ZSWIM3: variants seen among roughly 807,000 people sequenced by gnomAD.
ZSWIM3 encodes the protein zinc finger SWIM-type containing 3.
ZSWIM3 carries 27 observed loss-of-function variants against 47.5 expected under a neutral mutation model. The ratio of observed to expected loss-of-function variants is 0.57; its 90% CI spans 0.42 to 0.78. ZSWIM3 has a LOEUF of 0.78. Among genes scored for constraint, ZSWIM3 ranks in the 30% least tolerant of loss-of-function variants. The pLI is 0.00. For synonymous variants in ZSWIM3, 333 were observed against 333.9 expected, an observed-to-expected ratio of 1.00 and a Z score of 0.03; for missense variants, 689 against 861.3, an observed-to-expected ratio of 0.80 and a Z score of 2.50.
At position 45,878,493 on chromosome 20, in the gene ZSWIM3, G is replaced by A; in HGVS notation, c.1935G>A (p.Leu645=). Reference sequence around the variant, plus strand: ...AGCTGGAGGAACGCTACTCCACCCTGCGCAAGATTGTGGATATCTGGGCTG... The same window carrying A: ...AGCTGGAGGAACGCTACTCCACCCTACGCAAGATTGTGGATATCTGGGCTG... ...GPELEERYST[L]RKIVDIWAGP... The change falls in exon 2 of 2, where the codon CTG becomes CTA. Residue 645 remains leucine (L), a synonymous_variant. Coordinates refer to ENST00000255152, the MANE Select transcript of ZSWIM3 (RefSeq NM_080752.4). 6.2e-7 allele frequency: 1 copy of A among 1,614,194 alleles called. No homozygotes were observed. The highest frequency in any genetic ancestry group is 1.1e-5 in the South Asian group (1 of 91,086).
intron 1 of ZSWIM3, among the ~76,000 whole-genome samples, chr20:45,859,816 A>AAAAAAAC (rs146830909): frequency 8.5e-5 from 11 of 129,382 alleles, no homozygotes; most frequent in Admixed American, 1.8e-4. Context: ...AAAAAAAAAA[A>AAAAAAAC]CCACAGTTGC....
intron 1 of ZSWIM3, 41 bp from the exon 2 acceptor site, chr20:45,876,673 G>A (rs1343230218): frequency 6.3e-7 from 1 of 1,576,254 alleles, no homozygotes; most frequent in South Asian, 1.2e-5. Context: ...GGGGTGGGGG[G>A]TGGTCAGCAC....
At chr20:45,869,810 T>G (rs6104375) in intron 1 of ZSWIM3, among the ~76,000 whole-genome samples, 3 of 151,588 alleles carry the variant, frequency 2.0e-5, no homozygotes, top group African/African-American at 4.8e-5. Context: ...TTTGGGAGGC[T>G]GAGGTGGGTG....
intron 1 of ZSWIM3, among the ~76,000 whole-genome samples, chr20:45,870,932 T>C (rs1267253615): frequency 1.3e-5 from 2 of 152,136 alleles, no homozygotes; most frequent in Non-Finnish European, 2.9e-5. Flanking sequence ...TGGCCTCAAG[T>C]GATCCACCTA....
At chr20:45,862,382 G>C (rs1163063733) in intron 1 of ZSWIM3, among the ~76,000 whole-genome samples, 2 of 151,818 alleles carry the variant, frequency 1.3e-5, no homozygotes, top group Admixed American at 6.6e-5. Flanking sequence ...TCCTGACCCG[G>C]TGATCCACCC....
intron 1 of ZSWIM3, among the ~76,000 whole-genome samples, chr20:45,874,282 C>G (rs760895966): frequency 2.0e-5 from 3 of 152,136 alleles, no homozygotes; most frequent in Admixed American, 1.3e-4. Context: ...GAGGCTGACG[C>G]GGGTGGATCA....
At chr20:45,870,046 G>GAAAAAAAAAAAAAAAAAAAAAA (rs771712120) in intron 1 of ZSWIM3, among the ~76,000 whole-genome samples, 1 of 53,730 alleles carries the variant, frequency 1.9e-5, no homozygotes, top group Non-Finnish European at 4.1e-5. Context: ...TCCGTCTCAA[G>GAAAAAAAAAAAAAAAAAAAAAA]AAAAAAAAAA....
intron 1 of ZSWIM3, chr20:45,872,525 A>G (rs750332160): frequency 4.1e-5 from 7 of 169,814 alleles, no homozygotes; most frequent in Non-Finnish European, 8.3e-5. Context: ...CCTAGAAAAG[A>G]TAATGGGTGC....
At chr20:45,867,533 C>G (rs915314078) in intron 1 of ZSWIM3, among the ~76,000 whole-genome samples, 30 of 152,064 alleles carry the variant, frequency 2.0e-4, no homozygotes, top group Admixed American at 1.9e-3. Flanking sequence ...GGATGTAAAG[C>G]TTTGTGTTCT....
chr20:45,876,319 A>C (rs1219195797), intron 1 of ZSWIM3, among the ~76,000 whole-genome samples: 1 of 149,802 alleles, frequency 6.7e-6, no homozygotes, highest in Non-Finnish European at 1.5e-5. Flanking sequence ...TGCTGGGATT[A>C]CAGGTGTGAG....
Position 45,877,393 on chromosome 20 carries a change from G to T in ZSWIM3, c.835G>T (p.Val279Phe). 1 of 1,614,196 alleles carries T rather than the reference G, an allele frequency of 6.2e-7. No individual in the cohort carries two copies. Among genetic ancestry groups the T allele is most frequent in the Non-Finnish European group, 8.5e-7 (1 of 1,180,038 alleles). Reference sequence around the variant, plus strand: ...AGAGTTCAACTCCGATTGGCCCAAGGTCAAGGTGGTCTTTGTGGACCCTTC... The same window carrying T: ...AGAGTTCAACTCCGATTGGCCCAAGTTCAAGGTGGTCTTTGTGGACCCTTC... Reference protein sequence around the residue: ...FTEFNSDWPKVKVVFVDPSFH... With the variant: ...FTEFNSDWPKFKVVFVDPSFH... The change falls in exon 2 of 2, where the codon GTC (valine) becomes TTC (phenylalanine). Residue 279 changes from valine to phenylalanine, a missense_variant. Coordinates refer to ENST00000255152, the MANE Select transcript of ZSWIM3 (RefSeq NM_080752.4).
At chr20:45,864,707 A>G (rs1416676054) in intron 1 of ZSWIM3, among the ~76,000 whole-genome samples, 3 of 152,008 alleles carry the variant, frequency 2.0e-5, no homozygotes, top group Non-Finnish European at 2.9e-5. Context: ...CTAAAAATAC[A>G]TAAATTAGCC....
chr20:45,869,244 C>T (rs763095906), intron 1 of ZSWIM3, among the ~76,000 whole-genome samples: 3 of 151,918 alleles, frequency 2.0e-5, no homozygotes, highest in African/African-American at 4.8e-5. Flanking sequence ...GGTGGCCGGG[C>T]GCAGTGGCTC....
chr20:45,866,158 C>G (rs1279725763), intron 1 of ZSWIM3, among the ~76,000 whole-genome samples: 1 of 151,286 alleles, frequency 6.6e-6, no homozygotes, highest in African/African-American at 2.4e-5. Flanking sequence ...ACAAATTAGT[C>G]GGGTGTGGTG....
At chr20:45,860,394 A>G (rs1985676223) in intron 1 of ZSWIM3, among the ~76,000 whole-genome samples, 1 of 144,318 alleles carries the variant, frequency 6.9e-6, no homozygotes, top group African/African-American at 2.6e-5. Flanking sequence ...ACATGCCCGT[A>G]ATCCCAGCTA....
At position 45,857,998 on chromosome 20, in the gene ZSWIM3, G is replaced by C. The variant is rs1478121205; in HGVS notation, c.155+18G>C. 1 of 559,566 alleles carries C rather than the reference G, an allele frequency of 1.8e-6. No individual in the cohort carries two copies. The highest frequency in any genetic ancestry group is 1.9e-5 in the African/African-American group (1 of 51,712). The allele number at this position is 559,566 out of a possible 1,614,324, so 34.7% of individuals were successfully genotyped here. A position where few individuals can be genotyped will look rare whatever the true frequency, so the allele number is the denominator to read the frequency against. The stretch of plus-strand genomic sequence containing the variant: ...GACATCCTGTAAGGGCGGGCGGGGC[G>C]GGGCGGGCCAAGAGGGTGGGGAGGA... On this transcript the variant is annotated intron_variant, in intron 1 of 1. Coordinates refer to ENST00000255152, the MANE Select transcript of ZSWIM3 (RefSeq NM_080752.4).
intron 1 of ZSWIM3, among the ~76,000 whole-genome samples, chr20:45,875,786 C>T (rs183821183): frequency 1.3e-5 from 2 of 152,304 alleles, no homozygotes; most frequent in East Asian, 1.9e-4. Context: ...CAGGCATGAG[C>T]CACCATGCCC....
chr20:45,868,721 C>T (rs1345652414), intron 1 of ZSWIM3, among the ~76,000 whole-genome samples: 2 of 152,012 alleles, frequency 1.3e-5, no homozygotes, highest in Non-Finnish European at 2.9e-5. Context: ...AGAATAGTTG[C>T]TTTAAGTCAT....
intron 1 of ZSWIM3, chr20:45,872,757 C>T (rs1461158117): frequency 1.6e-6 from 2 of 1,289,314 alleles, no homozygotes; most frequent in Non-Finnish European, 1.0e-6. Flanking sequence ...CGCTGTACTA[C>T]TGGACTGCTC....
Sources: gnomAD v4.1 joint callset for allele counts (sites outside exome capture counted in the v4.1 genomes callset) on GRCh38, gnomAD v4.1.1 for gene constraint, MANE v1.5 for transcripts, NCBI Gene and HGNC (gene_info 2026-07-23, HGNC 2026-07-21) for gene names.